Variants in PCDH15 observed in about 807,000 individuals in gnomAD.
PCDH15 encodes protocadherin related 15.
Under a neutral mutation model 178.5 loss-of-function variants are expected in PCDH15, and 129 were observed. The ratio of observed to expected loss-of-function variants is 0.72; its 90% CI spans 0.63 to 0.84. The LOEUF (loss-of-function observed/expected upper bound fraction) is 0.84. Ranked by LOEUF, PCDH15 falls within the 40% of genes least tolerant of loss-of-function variation. The pLI is 0.00. For missense variants in PCDH15, 2,230 were observed against 2,099.9 expected (o/e 1.06, Z -1.21); for synonymous variants, 800 against 732.0 (o/e 1.09, Z -1.50).
chr10:55,317,484 T>A (rs1843754451), intron 1 of PCDH15, among the ~76,000 whole-genome samples: 1 of 152,066 alleles, frequency 6.6e-6, no homozygotes, highest in South Asian at 2.1e-4. Flanking sequence ...TAGTGTTTTT[T>A]TTTTCTCTAT....
chr10:53,995,885 T>C, intron 20 of PCDH15, 120 bp from the exon 21 acceptor site: 1 of 886,776 alleles, frequency 1.1e-6, no homozygotes, highest in Non-Finnish European at 1.8e-6. Context: ...CCTTCCATCC[T>C]CTCAATTCCA....
chr10:55,532,931 C>G (rs761991574), intron 2 of PCDH15, among the ~76,000 whole-genome samples: 2 of 152,038 alleles, frequency 1.3e-5, no homozygotes, highest in African/African-American at 2.4e-5. Context: ...TTCAGGAAGA[C>G]AGAACTGACC....
intron 15 of PCDH15, among the ~76,000 whole-genome samples, chr10:54,119,680 T>A (rs7074588): frequency 0.69 from 104,958 of 151,970 alleles, 36,607 homozygotes; most frequent in East Asian, 0.99. Flanking sequence ...ATGACTTCAC[T>A]AGGGCATACA....
At chr10:54,605,442 C>T (rs371391966) in intron 2 of PCDH15, among the ~76,000 whole-genome samples, 10 of 151,888 alleles carry the variant, frequency 6.6e-5, no homozygotes, top group Non-Finnish European at 1.2e-4. Flanking sequence ...TGTTTGTTTC[C>T]GCATTTTAAA....
chr10:53,892,999 G>A (rs1004948698), intron 26 of PCDH15, among the ~76,000 whole-genome samples: 17 of 151,742 alleles, frequency 1.1e-4, no homozygotes, highest in African/African-American at 3.6e-4. Context: ...GAGAGTAAAC[G>A]TAAAATATAT....
intron 21 of PCDH15, among the ~76,000 whole-genome samples, chr10:53,984,140 T>TGAGGCAGAGTC (rs2090916586): frequency 1.1e-5 from 1 of 94,726 alleles, no homozygotes; most frequent in African/African-American, 3.6e-5. Context: ...TTTTTTCTTT[T>TGAGGCAGAGTC]TTCTTTTCTT....
intron 1 of PCDH15, among the ~76,000 whole-genome samples, chr10:55,183,798 G>A (rs1401606983): frequency 1.3e-5 from 2 of 151,666 alleles, no homozygotes; most frequent in African/African-American, 4.8e-5. Context: ...CGTTTTGTTT[G>A]TCCTGGACAG....
At chr10:55,607,094 A>T (rs1387552492) in intron 2 of PCDH15, among the ~76,000 whole-genome samples, 4 of 152,230 alleles carry the variant, frequency 2.6e-5, no homozygotes, top group African/African-American at 7.2e-5. Context: ...AAAGGATATG[A>T]ACATACATTT....
intron 35 of PCDH15, among the ~76,000 whole-genome samples, chr10:53,812,030 A>G (rs1250111853): frequency 2.0e-5 from 3 of 152,138 alleles, no homozygotes; most frequent in Non-Finnish European, 4.4e-5. Flanking sequence ...AACACTATCT[A>G]CAGCATTTTT....
At chr10:54,105,538 T>C (rs1590469981) in intron 15 of PCDH15, among the ~76,000 whole-genome samples, 1 of 152,126 alleles carries the variant, frequency 6.6e-6, no homozygotes. Flanking sequence ...GAGAAAGATG[T>C]AGGCTGTAAG....
At chr10:54,486,589 T>C (rs185560291) in intron 3 of PCDH15, among the ~76,000 whole-genome samples, 65 of 150,750 alleles carry the variant, frequency 4.3e-4, no homozygotes, top group African/African-American at 1.3e-3. Flanking sequence ...TTCCTTCCTT[T>C]CTTTTCTTTC....
chr10:53,874,249 C>T (rs2080070063), intron 26 of PCDH15, among the ~76,000 whole-genome samples: 1 of 151,950 alleles, frequency 6.6e-6, no homozygotes, highest in South Asian at 2.1e-4. Context: ...ATTAAGATTT[C>T]CCTCCCCAGA....
chr10:55,066,640 T>C (rs1209420776), intron 2 of PCDH15, among the ~76,000 whole-genome samples: 2 of 150,370 alleles, frequency 1.3e-5, no homozygotes, highest in African/African-American at 2.4e-5. Flanking sequence ...TTTTTTTAAT[T>C]TGAGTATTTG....
At chr10:54,369,020 A>G in intron 5 of PCDH15, 100 bp downstream of exon 5, 1 of 1,319,184 alleles carries the variant, frequency 7.6e-7, no homozygotes, top group Non-Finnish European at 1.1e-6. Context: ...CTAAACAGTT[A>G]AGCTCATAAT....
rs527343222 is a variant in PCDH15, at chr10:53,811,753, G to T, written c.4492-134C>A. ...AAAATAACTTTAAATACAAGTGTCA[G>T]TTAAAGCAATTAAAATTACTCTATT... On this transcript the variant is annotated intron_variant, in intron 35 of 37. Coordinates refer to ENST00000644397, the MANE Select transcript of PCDH15 (RefSeq NM_001384140.1). The T allele has an allele frequency of 2.6e-4, 126 of 491,728 alleles. 1 individual carries two copies. In the South Asian group the frequency reaches 5.9e-3, roughly 23 times the overall value. The allele number at this position is 491,728 out of a possible 1,614,324, so 30.5% of individuals were successfully genotyped here.
chr10:55,432,792 TA>T (rs1167756000), intron 2 of PCDH15, among the ~76,000 whole-genome samples: 30 of 151,200 alleles, frequency 2.0e-4, no homozygotes, highest in African/African-American at 2.2e-4. Flanking sequence ...TATATATATA[TA>T]TATTTTATTT....
chr10:55,619,053 A>G (rs1370360804), intron 2 of PCDH15, among the ~76,000 whole-genome samples: 1 of 152,066 alleles, frequency 6.6e-6, no homozygotes, highest in African/African-American at 2.4e-5. Context: ...TCAACACTGT[A>G]CTGTGAAGGT....
chr10:54,011,443 TG>T (rs1170443271), intron 20 of PCDH15, among the ~76,000 whole-genome samples: 1 of 152,162 alleles, frequency 6.6e-6, no homozygotes, highest in Non-Finnish European at 1.5e-5. Flanking sequence ...TCCCTTGTTG[TG>T]TCTAAGCTGG....
intron 1 of PCDH15, among the ~76,000 whole-genome samples, chr10:54,741,559 G>C (rs866439809): frequency 6.6e-6 from 1 of 151,970 alleles, no homozygotes; most frequent in African/African-American, 2.4e-5. Context: ...CAACACAAAT[G>C]TATCTTATAA....
Sources: allele counts gnomAD v4.1 joint callset (sites outside exome capture counted in the v4.1 genomes callset), GRCh38; gene constraint gnomAD v4.1.1; transcripts MANE v1.5; gene names NCBI Gene and HGNC (gene_info 2026-07-23, HGNC 2026-07-21).